KCTD8: variants seen among roughly 807,000 people sequenced by gnomAD.
KCTD8 encodes potassium channel tetramerization domain containing 8.
In KCTD8, 27 loss-of-function variants were observed where a neutral mutation model predicts 31.5. That is an observed-to-expected ratio of 0.86 (90% CI 0.63 to 1.18). The LOEUF is 1.18. KCTD8 is among the 50% of genes most tolerant of loss of function. The probability of loss-of-function intolerance (pLI) is 0.00; values close to 1 mark genes in which losing one functional copy is unlikely to be tolerated. For missense variants in KCTD8, 658 were observed against 647.7 expected, an observed-to-expected ratio of 1.02 and a Z score of -0.17; for synonymous variants, 290 against 280.0, an observed-to-expected ratio of 1.04 and a Z score of -0.36.
At chr4:44,289,879 G>C (rs188384738) in intron 1 of KCTD8, among the ~76,000 whole-genome samples, 12 of 152,248 alleles carry the variant, frequency 7.9e-5, no homozygotes, top group Admixed American at 2.6e-4. Flanking sequence ...AGAGACTGCA[G>C]GGCCAAATTT....
At chr4:44,257,688 C>T (rs889829231) in intron 1 of KCTD8, among the ~76,000 whole-genome samples, 21 of 151,946 alleles carry the variant, frequency 1.4e-4, no homozygotes, top group African/African-American at 5.1e-4. Context: ...TTAATAGGCA[C>T]ACTGATGTCA....
chr4:44,185,219 C>G (rs1272950942), intron 1 of KCTD8, among the ~76,000 whole-genome samples: 1 of 152,182 alleles, frequency 6.6e-6, no homozygotes, highest in Non-Finnish European at 1.5e-5. Context: ...CTCTTATTTT[C>G]AAACACTTGT....
intron 1 of KCTD8, among the ~76,000 whole-genome samples, chr4:44,406,531 C>G (rs1720800437): frequency 1.3e-5 from 2 of 152,134 alleles, no homozygotes; most frequent in African/African-American, 4.8e-5. Flanking sequence ...TTGCCTCCCA[C>G]CATGATTCTG....
At chr4:44,339,514 T>C (rs1348564425) in intron 1 of KCTD8, among the ~76,000 whole-genome samples, 1 of 152,112 alleles carries the variant, frequency 6.6e-6, no homozygotes, top group African/African-American at 2.4e-5. Context: ...CAATTGAATA[T>C]ATATACCTCA....
chr4:44,200,738 AC>A (rs1560393075), intron 1 of KCTD8, among the ~76,000 whole-genome samples: 2 of 152,070 alleles, frequency 1.3e-5, no homozygotes, highest in East Asian at 1.9e-4. Flanking sequence ...TGCCCTTGAG[AC>A]CTAGAATAAG....
chr4:44,268,911 A>G (rs1022143963), intron 1 of KCTD8, among the ~76,000 whole-genome samples: 8 of 152,196 alleles, frequency 5.3e-5, no homozygotes, highest in Non-Finnish European at 8.8e-5. Context: ...AAATGGAAGA[A>G]CATTCCATGC....
intron 1 of KCTD8, among the ~76,000 whole-genome samples, chr4:44,185,382 C>T (rs942880295): frequency 6.6e-6 from 1 of 152,226 alleles, no homozygotes; most frequent in Non-Finnish European, 1.5e-5. Context: ...TCAAACTATT[C>T]TCAATGCCAT....
At chr4:44,351,747 A>G (rs935535225) in intron 1 of KCTD8, among the ~76,000 whole-genome samples, 2 of 152,112 alleles carry the variant, frequency 1.3e-5, no homozygotes, top group South Asian at 2.1e-4. Flanking sequence ...GTGATCTTTC[A>G]CTAACTGAAC....
In KCTD8 at chr4:44,420,633, A is replaced by G. The variant is rs552774822; in HGVS notation, c.961+26930T>C. Among the ~76,000 whole-genome samples, 15 of 152,262 alleles carry G rather than the reference A, an allele frequency of 9.9e-5. 1 individual carries two copies. In the South Asian group the frequency reaches 3.1e-3, roughly 32 times the overall value. Reference sequence around the variant, plus strand: ...ACACTTCTGTTAACTGGCAAGAGAGAGTGACGTCCCTAGGAGCTGCAAATA... The same window carrying G: ...ACACTTCTGTTAACTGGCAAGAGAGGGTGACGTCCCTAGGAGCTGCAAATA... On this transcript the variant is annotated intron_variant, in intron 1 of 1. Transcript: ENST00000360029.
At chr4:44,207,625 C>T (rs1050332175) in intron 1 of KCTD8, among the ~76,000 whole-genome samples, 5 of 152,156 alleles carry the variant, frequency 3.3e-5, no homozygotes, top group African/African-American at 1.2e-4. Flanking sequence ...ATAGGTTTTT[C>T]ACCAAATGTG....
chr4:44,265,165 C>A (rs1716306180), intron 1 of KCTD8, among the ~76,000 whole-genome samples: 1 of 152,124 alleles, frequency 6.6e-6, no homozygotes, highest in African/African-American at 2.4e-5. Flanking sequence ...ACTGACACCT[C>A]ACACGGCCGG....
chr4:44,297,762 T>C (rs528170327), intron 1 of KCTD8, among the ~76,000 whole-genome samples: 1 of 152,276 alleles, frequency 6.6e-6, no homozygotes, highest in African/African-American at 2.4e-5. Context: ...TGTAAAACAT[T>C]AGAAATGTCT....
chr4:44,317,341 G>A (rs1486554226), intron 1 of KCTD8, among the ~76,000 whole-genome samples: 4 of 134,066 alleles, frequency 3.0e-5, no homozygotes, highest in Non-Finnish European at 4.6e-5. Flanking sequence ...CCGGGTTCAC[G>A]CCATTCTCCT....
At chr4:44,400,762 A>G (rs1720629461) in intron 1 of KCTD8, among the ~76,000 whole-genome samples, 1 of 151,586 alleles carries the variant, frequency 6.6e-6, no homozygotes, top group African/African-American at 2.4e-5. Flanking sequence ...AGCACTTTCA[A>G]TTCTGCAAAC....
At chr4:44,393,679 A>G (rs1413518001) in intron 1 of KCTD8, among the ~76,000 whole-genome samples, 1 of 151,830 alleles carries the variant, frequency 6.6e-6, no homozygotes, top group Non-Finnish European at 1.5e-5. Flanking sequence ...CAGAATATTT[A>G]AGTATCTTAT....
intron 1 of KCTD8, among the ~76,000 whole-genome samples, chr4:44,233,658 G>C (rs912603212): frequency 6.6e-6 from 1 of 152,076 alleles, no homozygotes; most frequent in African/African-American, 2.4e-5. Flanking sequence ...TTTTTATATA[G>C]AAATTCTGTA....
At chr4:44,338,776 G>A (rs2109417135) in intron 1 of KCTD8, among the ~76,000 whole-genome samples, 1 of 152,276 alleles carries the variant, frequency 6.6e-6, no homozygotes, top group African/African-American at 2.4e-5. Context: ...GCAAATTAGA[G>A]AAAATCTTCA....
intron 1 of KCTD8, among the ~76,000 whole-genome samples, chr4:44,188,237 AAAGTGTGCCTGTT>A (rs1460434122): frequency 1.4e-4 from 22 of 152,212 alleles, no homozygotes. Context: ...GAAATTTATA[AAAGTGTGCCTGTT>A]AAGGCAGCAG....
intron 1 of KCTD8, among the ~76,000 whole-genome samples, chr4:44,297,343 C>T (rs907248120): frequency 1.3e-5 from 2 of 152,128 alleles, no homozygotes; most frequent in African/African-American, 2.4e-5. Flanking sequence ...TGTTTTTCAT[C>T]CAAAAAGCTT....
Sources: gnomAD v4.1 joint callset for allele counts (sites outside exome capture counted in the v4.1 genomes callset) on GRCh38, gnomAD v4.1.1 for gene constraint, MANE v1.5 for transcripts, NCBI Gene and HGNC (gene_info 2026-07-23, HGNC 2026-07-21) for gene names.